CCDC30: variants seen among roughly 807,000 people sequenced by gnomAD.
CCDC30 encodes coiled-coil domain containing 30, also known as coiled-coil domain-containing protein 30.
Under a neutral mutation model 100.2 loss-of-function variants are expected in CCDC30, and 70 were observed. That is an observed-to-expected ratio of 0.70 (90% CI 0.58 to 0.85). The LOEUF is 0.85. Ranked by LOEUF, CCDC30 falls within the 40% of genes least tolerant of loss-of-function variation. The pLI, the probability that CCDC30 is intolerant of heterozygous loss-of-function variation, is 0.00. For synonymous variants in CCDC30, 233 were observed against 269.5 expected (o/e 0.86, Z 1.33); for missense variants, 652 against 771.2 (o/e 0.85, Z 1.83).
intron 4 of CCDC30, chr1:42,492,070 T>C (rs1215787671): frequency 5.3e-6 from 2 of 379,982 alleles, no homozygotes; most frequent in Non-Finnish European, 1.0e-5. Context: ...TGTTCCGTGG[T>C]CAAAAAATGG....
intron 6 of CCDC30, among the ~76,000 whole-genome samples, chr1:42,551,742 GGTGTGTGTGTGTGTGT>G (rs34048456): frequency 6.9e-6 from 1 of 144,496 alleles, no homozygotes; most frequent in Non-Finnish European, 1.5e-5. Flanking sequence ...GATAAATTCT[GGTGTGTGTGTGTGTGT>G]GTGTGTGTGT....
chr1:42,485,584 A>G (rs564700707), intron 3 of CCDC30, among the ~76,000 whole-genome samples: 5 of 152,286 alleles, frequency 3.3e-5, no homozygotes, highest in African/African-American at 4.8e-5. Flanking sequence ...GCTTGAGCCC[A>G]GAAGTTTGAG....
At chr1:42,653,791 G>A in intron 16 of CCDC30, 27 bp from the exon 21 acceptor site, 2 of 1,557,992 alleles carry the variant, frequency 1.3e-6, no homozygotes, top group South Asian at 2.2e-5. Flanking sequence ...CTATGTACAT[G>A]ATGTCCTCAC....
intron 10 of CCDC30, among the ~76,000 whole-genome samples, chr1:42,610,717 AC>A (rs1216539055): frequency 6.6e-6 from 1 of 152,142 alleles, no homozygotes; most frequent in African/African-American, 2.4e-5. Flanking sequence ...GAGTCATCAC[AC>A]GCGGCCTTGG....
the CCDC30 span, chr1:42,456,800 G>C: frequency 1.2e-6 from 2 of 1,613,302 alleles, no homozygotes; most frequent in Non-Finnish European, 1.7e-6. Flanking sequence ...CGCCGGCTAC[G>C]GGGTCCTGTT....
Position 42,623,117 on chromosome 1 carries a change from A to G in CCDC30, c.1277+12027A>G, listed in dbSNP as rs145191475. On this transcript the variant is annotated intron_variant, in intron 11 of 16. Coordinates refer to ENST00000668663, the Ensembl canonical transcript of CCDC30. The stretch of plus-strand genomic sequence containing the variant: ...CTACATAGTTGTTTGAGTTCCTTAT[A>G]TATTCTGGTTATTAAACCCTTGTCA... 4.4e-3 allele frequency among the ~76,000 whole-genome samples: 664 copies of G among 152,268 alleles called. 5 individuals are homozygous for G. The highest frequency in any genetic ancestry group is 0.032 in the South Asian group (154 of 4,828).
At chr1:42,585,848 CT>C (rs1233062369) in intron 9 of CCDC30, among the ~76,000 whole-genome samples, 2 of 151,924 alleles carry the variant, frequency 1.3e-5, no homozygotes, top group Non-Finnish European at 2.9e-5. Flanking sequence ...CTCTCTTTTT[CT>C]TACTGATTTA....
At chr1:42,509,138 A>G (rs1431916423) in intron 6 of CCDC30, among the ~76,000 whole-genome samples, 2 of 152,208 alleles carry the variant, frequency 1.3e-5, no homozygotes, top group African/African-American at 4.8e-5. Context: ...TGTGACTGAG[A>G]CAGTGAAAGA....
At chr1:42,572,210 T>C (rs1242365003) in intron 7 of CCDC30, among the ~76,000 whole-genome samples, 1 of 152,206 alleles carries the variant, frequency 6.6e-6, no homozygotes, top group Non-Finnish European at 1.5e-5. Context: ...GCAAACCTAG[T>C]ATACGTGTAT....
intron 6 of CCDC30, among the ~76,000 whole-genome samples, chr1:42,532,606 A>G (rs1040939595): frequency 2.0e-5 from 3 of 152,222 alleles, no homozygotes; most frequent in Admixed American, 2.0e-4. Context: ...TTTAATCCCA[A>G]TAACAGCGTT....
chr1:42,571,217 A>C (rs1645726101), intron 7 of CCDC30: 1 of 152,266 alleles, frequency 6.6e-6, no homozygotes, highest in African/African-American at 2.4e-5. Flanking sequence ...CTTTCTGTTT[A>C]CAATGAGATG....
intron 6 of CCDC30, among the ~76,000 whole-genome samples, chr1:42,540,676 T>TAC (rs60125557): frequency 0.014 from 2,108 of 150,412 alleles, 47 homozygotes; most frequent in African/African-American, 0.048. Context: ...CACATACACA[T>TAC]ACACACACAC....
At chr1:42,536,559 T>C (rs756441084) in intron 6 of CCDC30, 2 of 1,613,526 alleles carry the variant, frequency 1.2e-6, no homozygotes, top group Non-Finnish European at 1.7e-6. Context: ...AGTTGGCATC[T>C]GGTCTTGACA....
chr1:42,508,851 G>C (rs763333368), intron 6 of CCDC30, among the ~76,000 whole-genome samples: 1 of 152,086 alleles, frequency 6.6e-6, no homozygotes, highest in African/African-American at 2.4e-5. Flanking sequence ...AAAAAAACAG[G>C]CTCCAAGAAG....
At chr1:42,502,466 G>A (rs934763870) in intron 6 of CCDC30, among the ~76,000 whole-genome samples, 6 of 152,156 alleles carry the variant, frequency 3.9e-5, no homozygotes, top group Non-Finnish European at 8.8e-5. Context: ...CTCGTGCTCC[G>A]TGGGCTGCAC....
intron 9 of CCDC30, among the ~76,000 whole-genome samples, chr1:42,585,335 A>G (rs1570151985): frequency 6.6e-6 from 1 of 152,104 alleles, no homozygotes; most frequent in South Asian, 2.1e-4. Context: ...CCTGCATTCA[A>G]GTGATACTCC....
intron 6 of CCDC30, among the ~76,000 whole-genome samples, chr1:42,538,149 C>CAAAAAAAAAAAA (rs776412637): frequency 2.4e-5 from 2 of 82,378 alleles, no homozygotes; most frequent in African/African-American, 6.6e-5. Flanking sequence ...ACTGTCTCCA[C>CAAAAAAAAAAAA]AAAAAAAAAA....
intron 7 of CCDC30, among the ~76,000 whole-genome samples, chr1:42,570,420 G>T (rs1465649449): frequency 6.6e-6 from 1 of 151,820 alleles, no homozygotes; most frequent in Non-Finnish European, 1.5e-5. Flanking sequence ...AAATCATTTT[G>T]TTATAAAATA....
chr1:42,457,204 C>T, the CCDC30 span: 4 of 1,611,916 alleles, frequency 2.5e-6, no homozygotes, highest in Non-Finnish European at 2.5e-6. Context: ...GATCCTATAT[C>T]GTACCTCGCC....
Sources: gnomAD v4.1 joint callset for allele counts (sites outside exome capture counted in the v4.1 genomes callset) on GRCh38, gnomAD v4.1.1 for gene constraint, MANE v1.5 for transcripts, NCBI Gene and HGNC (gene_info 2026-07-23, HGNC 2026-07-21) for gene names.